The following DDX59 variants were observed in gnomAD, a reference collection of about 807,000 sequenced individuals.
DDX59 encodes DEAD-box helicase 59, also known as probable ATP-dependent RNA helicase DDX59.
In DDX59, 30 loss-of-function variants were observed where a neutral mutation model predicts 51.9. The ratio of observed to expected loss-of-function variants is 0.58; its 90% CI spans 0.43 to 0.78. DDX59 has a LOEUF of 0.78. Among genes scored for constraint, DDX59 ranks in the 30% least tolerant of loss-of-function variants. The probability of loss-of-function intolerance (pLI) is 0.00; values close to 1 mark genes in which losing one functional copy is unlikely to be tolerated. For missense variants in DDX59, 672 were observed against 730.8 expected (o/e 0.92, Z 0.93); for synonymous variants, 255 against 253.3 (o/e 1.01, Z -0.06).
At chr1:200,642,642 G>T (rs1388129141), downstream of DDX59, among the ~76,000 whole-genome samples, 3 of 152,188 alleles carry the variant, frequency 2.0e-5, no homozygotes, top group Non-Finnish European at 4.4e-5. Flanking sequence ...GATTCAGAGA[G>T]GCAGGAAGAA....
intron 3 of DDX59, among the ~76,000 whole-genome samples, chr1:200,659,699 G>A (rs1662257123): frequency 6.6e-6 from 1 of 152,132 alleles, no homozygotes; most frequent in Non-Finnish European, 1.5e-5. Flanking sequence ...CTAACAATGG[G>A]GGCTTTTTGT....
Position 200,644,416 on chromosome 1 carries a change from G to A in DDX59, c.1698C>T (p.Pro566=), listed in dbSNP as rs1558111009. The A allele has an allele frequency of 7.4e-6, 12 of 1,613,778 alleles. No homozygotes were observed. Among genetic ancestry groups the A allele is most frequent in the Non-Finnish European group, 9.3e-6 (11 of 1,179,896 alleles). Residue 566 remains proline (P), a synonymous_variant, in exon 8 of 8, where the codon CCC becomes CCT. Transcript: ENST00000331314. ...ACTGAGGGGGAAGAATGGATCCTGT[G>A]GGCTTTACTCGTTTTGCAATATCCC... ...LFWDIAKRVK[P]TGSILPPQLL... is the part of the protein sequence containing the mutation.
chr1:200,655,190 C>G (rs1161881791), intron 4 of DDX59: 3 of 152,160 alleles, frequency 2.0e-5, no homozygotes, highest in African/African-American at 7.2e-5. Context: ...CTACCAAGAC[C>G]CAGATTTGCT....
At chr1:200,646,971 G>A (rs1311493950) in intron 7 of DDX59, among the ~76,000 whole-genome samples, 1 of 152,186 alleles carries the variant, frequency 6.6e-6, no homozygotes, top group Non-Finnish European at 1.5e-5. Flanking sequence ...AAAACATTAT[G>A]CTAAGTAAAA....
intron 7 of DDX59, among the ~76,000 whole-genome samples, chr1:200,646,388 T>G (rs1193597538): frequency 6.6e-6 from 1 of 152,064 alleles, no homozygotes; most frequent in Non-Finnish European, 1.5e-5. Context: ...TTGGCAAGTC[T>G]TCTAGAGTAT....
intron 4 of DDX59, among the ~76,000 whole-genome samples, chr1:200,657,140 C>T (rs746736931): frequency 6.7e-6 from 1 of 149,760 alleles, no homozygotes; most frequent in Non-Finnish European, 1.5e-5. Flanking sequence ...ATCCCAGCTA[C>T]TTGGGAGGCT....
chr1:200,663,168 C>G (rs1162374728), intron 3 of DDX59, among the ~76,000 whole-genome samples: 1 of 152,160 alleles, frequency 6.6e-6, no homozygotes, highest in Non-Finnish European at 1.5e-5. Flanking sequence ...CCCTGCCAAC[C>G]CAGCTTGTCC....
At chr1:200,662,529 G>A (rs1199958482) in intron 3 of DDX59, among the ~76,000 whole-genome samples, 1 of 152,158 alleles carries the variant, frequency 6.6e-6, no homozygotes, top group South Asian at 2.1e-4. Context: ...GGTGGTGGGC[G>A]CCTGTAGTCC....
At chr1:200,644,873 G>A (rs1344630080) in intron 7 of DDX59, among the ~76,000 whole-genome samples, 2 of 145,006 alleles carry the variant, frequency 1.4e-5, no homozygotes, top group African/African-American at 2.6e-5. Context: ...TCCAGCCTGG[G>A]TGGCAGAAAA....
At chr1:200,647,792 T>A (rs2809367) in intron 7 of DDX59, among the ~76,000 whole-genome samples, 1 of 150,788 alleles carries the variant, frequency 6.6e-6, no homozygotes, top group Admixed American at 6.6e-5. Context: ...GCCAACATGG[T>A]GAAACCCCGT....
chr1:200,646,664 T>C (rs186142574), intron 7 of DDX59, among the ~76,000 whole-genome samples: 3 of 152,280 alleles, frequency 2.0e-5, no homozygotes, highest in Admixed American at 2.0e-4. Context: ...GAATGTAAAA[T>C]GGTGACGCCA....
downstream of DDX59, among the ~76,000 whole-genome samples, chr1:200,642,141 T>G (rs1194338581): frequency 2.0e-5 from 3 of 152,240 alleles, no homozygotes; most frequent in African/African-American, 7.2e-5. Context: ...GTTTGCCATA[T>G]AAAAGATGTT....
chr1:200,663,675 T>G (rs907736416), intron 3 of DDX59, among the ~76,000 whole-genome samples: 1 of 151,736 alleles, frequency 6.6e-6, no homozygotes, highest in Non-Finnish European at 1.5e-5. Flanking sequence ...GATGCTTAAA[T>G]GAGATAATGC....
chr1:200,645,153 G>A (rs189688700), intron 7 of DDX59, among the ~76,000 whole-genome samples: 2 of 152,290 alleles, frequency 1.3e-5, no homozygotes, highest in East Asian at 3.9e-4. Context: ...GTTTCTTATT[G>A]TGGGTGGGTT....
rs1663066216 is a variant in DDX59 at position 200,669,900 on chromosome 1, A to AGCGGAGCGGG, written c.-146_-145insCCCGCTCCGC. On this transcript the variant is annotated 5_prime_UTR_variant, in exon 1 of 8. Coordinates refer to ENST00000331314, the MANE Select transcript of DDX59 (RefSeq NM_001031725.6). ...CTGCGGCCCGGGGTTGGTGGTGCGG[A>AGCGGAGCGGG]GCGGAGCGGAGCGGAGCGTAGAGTA... 3 of 33,052 alleles carry AGCGGAGCGGG rather than the reference A, an allele frequency of 9.1e-5. No homozygotes were observed. Among genetic ancestry groups the AGCGGAGCGGG allele is most frequent in the African/African-American group, 2.7e-4 (3 of 11,038 alleles). 2.0% of individuals were successfully genotyped at this position (33,052 alleles called of 1,614,324 possible).
chr1:200,658,884 G>T, intron 4 of DDX59, 143 bp downstream of exon 4: 1 of 624,510 alleles, frequency 1.6e-6, no homozygotes, highest in Non-Finnish European at 2.8e-6. Context: ...GTGCTACACA[G>T]GAACCTGCTG....
chr1:200,643,926 G>T, downstream of DDX59: 1 of 195,002 alleles, frequency 5.1e-6, no homozygotes, highest in Non-Finnish European at 9.3e-6. Flanking sequence ...GTGGAACTGT[G>T]GGGGAACCAA....
intron 6 of DDX59, 138 bp from the exon 7 acceptor site, chr1:200,648,705 A>G: frequency 9.9e-7 from 1 of 1,005,520 alleles, no homozygotes; most frequent in South Asian, 2.0e-5. Context: ...AGGTCATAGT[A>G]TACCTGAAAA....
Position 200,649,242 on chromosome 1 carries a change from CAT to C in DDX59, c.1315-18_1315-17del. 6.4e-7 allele frequency: 1 copy of C among 1,554,592 alleles called. No individual in the cohort carries two copies. The highest frequency in any genetic ancestry group is 1.3e-5 in the South Asian group (1 of 79,742). On this transcript the variant is annotated splice_polypyrimidine_tract_variant and intron_variant, in intron 5 of 7. Coordinates refer to ENST00000331314, the MANE Select transcript of DDX59 (RefSeq NM_001031725.6). ...GTTTCTTATCCTGAAAAATTAAAAA[CAT>C]ATATCAAAAATTATTCATATAAAAT...
Sources: allele counts gnomAD v4.1 joint callset (sites outside exome capture counted in the v4.1 genomes callset), GRCh38; gene constraint gnomAD v4.1.1; transcripts MANE v1.5; gene names NCBI Gene and HGNC (gene_info 2026-07-23, HGNC 2026-07-21).